GRIK3: variants seen among roughly 807,000 people sequenced by gnomAD.
GRIK3 encodes glutamate ionotropic receptor kainate type subunit 3, also known as glutamate receptor ionotropic, kainate 3.
Under a neutral mutation model 102.5 loss-of-function variants are expected in GRIK3, and 29 were observed. That is an observed-to-expected ratio of 0.28 (90% CI 0.21 to 0.39). The LOEUF (loss-of-function observed/expected upper bound fraction) is 0.39, where lower values mean the gene tolerates loss of function less well. Ranked by LOEUF, GRIK3 falls within the 10% of genes least tolerant of loss-of-function variation. The pLI, the probability that GRIK3 is intolerant of heterozygous loss-of-function variation, is 1.00. For missense variants in GRIK3, 908 were observed against 1,252.4 expected (o/e 0.73, Z 4.15); for synonymous variants, 511 against 504.9 (o/e 1.01, Z -0.16).
At chr1:36,865,820 G>A (rs908501642) in intron 5 of GRIK3, among the ~76,000 whole-genome samples, 3 of 152,218 alleles carry the variant, frequency 2.0e-5, no homozygotes, top group Non-Finnish European at 4.4e-5. Context: ...TCAATGGGGA[G>A]TGCAAAGTGC....
intron 1 of GRIK3, among the ~76,000 whole-genome samples, chr1:37,009,848 G>C (rs1019946895): frequency 6.6e-6 from 1 of 152,260 alleles, no homozygotes; most frequent in South Asian, 2.1e-4. Context: ...GGCTGACAGC[G>C]ACAGTCCTGA....
chr1:37,030,548 T>TCC (rs942714510), intron 1 of GRIK3, among the ~76,000 whole-genome samples: 1,081 of 59,018 alleles, frequency 0.018, 7 homozygotes, highest in Non-Finnish European at 0.022. Flanking sequence ...CCCCACCCCC[T>TCC]CCCCCCCCCC....
intron 1 of GRIK3, among the ~76,000 whole-genome samples, chr1:36,968,843 T>C (rs1240431308): frequency 6.6e-6 from 1 of 152,174 alleles, no homozygotes; most frequent in Non-Finnish European, 1.5e-5. Flanking sequence ...CACCCCCACC[T>C]GGGAAGCACT....
chr1:37,010,280 A>G (rs1318472380), intron 1 of GRIK3, among the ~76,000 whole-genome samples: 1 of 152,236 alleles, frequency 6.6e-6, no homozygotes, highest in Non-Finnish European at 1.5e-5. Context: ...GCTCAGAATG[A>G]GTTGTAAATA....
At chr1:36,986,352 CA>C (rs1642304084) in intron 1 of GRIK3, among the ~76,000 whole-genome samples, 1 of 151,916 alleles carries the variant, frequency 6.6e-6, no homozygotes, top group African/African-American at 2.4e-5. Context: ...TCCATCCATC[CA>C]TCCATCCATC....
rs187657996 is a variant in GRIK3 at position 36,871,011 on chromosome 1, C to A, written c.732+1177G>T. Among the ~76,000 whole-genome samples the A allele has an allele frequency of 3.1e-4, 47 of 152,192 alleles. No individual in the cohort carries two copies. The East Asian group carries it at 5.6e-3, about 18-fold the overall frequency. Reference sequence around the variant, plus strand: ...GCTTTCTGGGGCATGCGTGTTTCCTCGACAGCAGCTTTAAAGATGCCCAAC... The same window carrying A: ...GCTTTCTGGGGCATGCGTGTTTCCTAGACAGCAGCTTTAAAGATGCCCAAC... On this transcript the variant is annotated intron_variant, in intron 4 of 15. Transcript: ENST00000373091.
chr1:36,839,117 A>T (rs1330908387), intron 10 of GRIK3, among the ~76,000 whole-genome samples: 1 of 152,114 alleles, frequency 6.6e-6, no homozygotes. Context: ...GTGAGTGGTG[A>T]GGGTGGCCCA....
intron 1 of GRIK3, among the ~76,000 whole-genome samples, chr1:36,970,133 T>G (rs1642125854): frequency 6.6e-6 from 1 of 152,284 alleles, no homozygotes; most frequent in African/African-American, 2.4e-5. Context: ...AAAGGTTTAA[T>G]AAACACATAC....
At chr1:36,986,184 A>G (rs1447165301) in intron 1 of GRIK3, among the ~76,000 whole-genome samples, 1 of 152,186 alleles carries the variant, frequency 6.6e-6, no homozygotes, top group Non-Finnish European at 1.5e-5. Context: ...TGGATGCCCA[A>G]GAAGACAGCC....
intron 1 of GRIK3, among the ~76,000 whole-genome samples, chr1:36,947,567 C>G (rs1288401861): frequency 6.6e-6 from 1 of 152,202 alleles, no homozygotes; most frequent in Non-Finnish European, 1.5e-5. Context: ...GTTCTCCTCT[C>G]CCCGTGACCA....
At chr1:37,026,373 G>C (rs531153653) in intron 1 of GRIK3, among the ~76,000 whole-genome samples, 1 of 152,150 alleles carries the variant, frequency 6.6e-6, no homozygotes, top group Non-Finnish European at 1.5e-5. Flanking sequence ...ATGGGTATGT[G>C]AGCGATGGGC....
chr1:36,809,421 T>C (rs546643217), intron 13 of GRIK3, among the ~76,000 whole-genome samples: 1 of 152,208 alleles, frequency 6.6e-6, no homozygotes, highest in Admixed American at 6.5e-5. Flanking sequence ...CCCCCAATCA[T>C]CCATCCCTTT....
chr1:36,908,444 T>A (rs1262691905), intron 1 of GRIK3, among the ~76,000 whole-genome samples: 1 of 152,164 alleles, frequency 6.6e-6, no homozygotes, highest in Non-Finnish European at 1.5e-5. Context: ...AGCTCAGGCA[T>A]CTGATTGTCC....
At position 36,805,003 on chromosome 1, in the gene GRIK3, G is replaced by A; in HGVS notation, c.2549C>T (p.Thr850Ile). The A allele has an allele frequency of 4.3e-6, 7 of 1,614,182 alleles. No individual in the cohort carries two copies. The highest frequency in any genetic ancestry group is 5.9e-6 in the Non-Finnish European group (7 of 1,180,030). The change falls in exon 15 of 16, where the codon ACA becomes ATA. Residue 850 changes from threonine to isoleucine, a missense_variant. Thr to Ile is a moderately conservative substitution (Grantham distance 89). Coordinates refer to ENST00000373091, the MANE Select transcript of GRIK3 (RefSeq NM_000831.4). ...VGEFVYKLRK[T>I]AEREQRSFCS... The stretch of plus-strand genomic sequence containing the variant: ...AAGGCTTACCTGCTCTCTCTCTGCT[G>A]TTTTGCGGAGCTTGTACACAAACTC...
intron 1 of GRIK3, among the ~76,000 whole-genome samples, chr1:37,023,775 C>T (rs537252165): frequency 6.6e-6 from 1 of 152,286 alleles, no homozygotes; most frequent in Admixed American, 6.5e-5. Context: ...ATACTATAGG[C>T]TAATAACCAC....
rs1363885479 is a variant in GRIK3, at chr1:36,907,214, C to T, written c.116-16118G>A. 3.3e-5 allele frequency among the ~76,000 whole-genome samples: 5 copies of T among 151,944 alleles called. No individual in the cohort carries two copies. The East Asian group carries it at 5.8e-4, about 18-fold the overall frequency. The stretch of plus-strand genomic sequence containing the variant: ...CCTGGGTAAAGAATTAAGACTATGA[C>T]GGAACAAAATCATGATGCAAAAGAA... On this transcript the variant is annotated intron_variant, in intron 1 of 15. Coordinates refer to ENST00000373091, the MANE Select transcript of GRIK3 (RefSeq NM_000831.4).
At chr1:36,867,540 A>G (rs1640798731) in intron 5 of GRIK3, among the ~76,000 whole-genome samples, 1 of 152,106 alleles carries the variant, frequency 6.6e-6, no homozygotes, top group Non-Finnish European at 1.5e-5. Flanking sequence ...TTCTTGGCCA[A>G]TCAGCTGAGG....
intron 5 of GRIK3, among the ~76,000 whole-genome samples, chr1:36,860,935 G>A (rs1640716661): frequency 6.6e-6 from 1 of 152,188 alleles, no homozygotes; most frequent in Non-Finnish European, 1.5e-5. Flanking sequence ...TCTGGAGAAT[G>A]CACCTGGGTT....
intron 5 of GRIK3, among the ~76,000 whole-genome samples, chr1:36,862,523 C>T (rs749973417): frequency 6.6e-6 from 1 of 152,128 alleles, no homozygotes; most frequent in Non-Finnish European, 1.5e-5. Context: ...TTTTGAGAAG[C>T]CACTAAGCGA....
Sources: allele counts gnomAD v4.1 joint callset (sites outside exome capture counted in the v4.1 genomes callset), GRCh38; gene constraint gnomAD v4.1.1; transcripts MANE v1.5; gene names NCBI Gene and HGNC (gene_info 2026-07-23, HGNC 2026-07-21).